IGSF3: variants seen among roughly 807,000 people sequenced by gnomAD.
IGSF3 encodes the protein immunoglobulin superfamily member 3.
IGSF3 carries 23 observed loss-of-function variants against 114.4 expected under a neutral mutation model. The observed-to-expected ratio is 0.20, with a 90% CI of 0.14 to 0.28. The LOEUF is 0.28. IGSF3 is among the 10% of genes least tolerant of loss of function. IGSF3 has a pLI of 1.00. For synonymous variants in IGSF3, 571 were observed against 645.2 expected (o/e 0.88, Z 1.74); for missense variants, 1,172 against 1,591.5 (o/e 0.74, Z 4.48).
intron 2 of IGSF3, among the ~76,000 whole-genome samples, chr1:116,652,148 T>C (rs576868794): frequency 6.6e-6 from 1 of 152,336 alleles, no homozygotes; most frequent in South Asian, 2.1e-4. Context: ...AACAGGTCTC[T>C]ATACAGCATA....
chr1:116,591,551 A>AT (rs1262200477), intron 7 of IGSF3, among the ~76,000 whole-genome samples: 6 of 152,202 alleles, frequency 3.9e-5, no homozygotes, highest in Non-Finnish European at 7.4e-5. Flanking sequence ...AAGCATTTCC[A>AT]TTTTTTTTCC....
At chr1:116,658,048 TTTTTGTTTTG>T (rs1199676441) in intron 2 of IGSF3, among the ~76,000 whole-genome samples, 2 of 151,830 alleles carry the variant, frequency 1.3e-5, no homozygotes, top group Non-Finnish European at 2.9e-5. Context: ...GAAATGGAGT[TTTTTGTTTTG>T]TTTTGTTTTG....
At chr1:116,658,405 C>T (rs1415385390) in intron 2 of IGSF3, among the ~76,000 whole-genome samples, 2 of 151,954 alleles carry the variant, frequency 1.3e-5, no homozygotes, top group African/African-American at 2.4e-5. Context: ...CCCTTTGCTT[C>T]GACCTCTGGG....
In IGSF3 at chr1:116,665,048, A is replaced by C. The variant is rs1649275196; in HGVS notation, c.43+1236T>G. Among the ~76,000 whole-genome samples the C allele has an allele frequency of 6.6e-6, 1 of 152,226 alleles. No individual in the cohort carries two copies. The highest frequency in any genetic ancestry group is 6.5e-5 in the Admixed American group (1 of 15,288). On this transcript the variant is annotated intron_variant, in intron 2 of 10. Coordinates refer to ENST00000369486, the MANE Select transcript of IGSF3 (RefSeq NM_001007237.3). This position sits in a 1 kb window ranked among gnomAD's most constrained non-coding sequence, Gnocchi z 4.0. Reference sequence around the variant, plus strand: ...TATTATGAGTTTCAGACATTATTTAAGGCAGTCAAGGCATTTAGGACACCT... The same window carrying C: ...TATTATGAGTTTCAGACATTATTTACGGCAGTCAAGGCATTTAGGACACCT...
rs935027408 is a variant in IGSF3 at position 116,632,400 on chromosome 1, A to G, written c.44-15943T>C. On this transcript the variant is annotated intron_variant, in intron 2 of 10. Transcript: ENST00000369486. This position sits in a 1 kb window ranked among gnomAD's most constrained non-coding sequence, Gnocchi z 5.1. ...GCTAGCATCTCTCAGCTAGACTGTC[A>G]TTGGATGGTGACATTCCCCAGGACT... Among the ~76,000 whole-genome samples, 1 of 152,154 alleles carries G rather than the reference A, an allele frequency of 6.6e-6. No homozygotes were observed. Among genetic ancestry groups the G allele is most frequent in the Non-Finnish European group, 1.5e-5 (1 of 68,030 alleles).
At chr1:116,602,362 T>TAAAA (rs113856068) in intron 6 of IGSF3, among the ~76,000 whole-genome samples, 1 of 145,158 alleles carries the variant, frequency 6.9e-6, no homozygotes, top group Non-Finnish European at 1.5e-5. Context: ...CCAGGATGGT[T>TAAAA]AAAAAAAAAA....
rs1304529618 is a variant in IGSF3 at position 116,579,425 on chromosome 1, ACTC to A, written c.3298_3300del (p.Glu1100del). 4 of 1,596,750 alleles carry A rather than the reference ACTC, an allele frequency of 2.5e-6. No individual in the cohort carries two copies. Among genetic ancestry groups the A allele is most frequent in the Non-Finnish European group, 3.4e-6 (4 of 1,170,712 alleles). On this transcript the variant is annotated inframe_deletion, in exon 10 of 11. Transcript: ENST00000369486. This position sits in a 1 kb window ranked among gnomAD's most constrained non-coding sequence, Gnocchi z 6.4. ...AGAACACGGATGCCGATGGGGGCTGACTCCTCCTCCGTCAGCCGGTACCATTCC... is the reference window on the plus strand; with the variant it reads ...AGAACACGGATGCCGATGGGGGCTGACTCCTCCGTCAGCCGGTACCATTCC...
In IGSF3 at chr1:116,647,702, G is replaced by A. The variant is rs544864404; in HGVS notation, c.43+18582C>T. On this transcript the variant is annotated intron_variant, in intron 2 of 10. Coordinates refer to ENST00000369486, the MANE Select transcript of IGSF3 (RefSeq NM_001007237.3). This position sits in a 1 kb window ranked among gnomAD's most constrained non-coding sequence, Gnocchi z 4.6. Reference sequence around the variant, plus strand: ...TGGGCGGACAGAGGCAAGGATGACCGGAACAAGACAAACAAACGAAAGGCC... The same window carrying A: ...TGGGCGGACAGAGGCAAGGATGACCAGAACAAGACAAACAAACGAAAGGCC... Among the ~76,000 whole-genome samples, 13 of 152,336 alleles carry A rather than the reference G, an allele frequency of 8.5e-5. No homozygotes were observed. Among genetic ancestry groups the A allele is most frequent in the South Asian group, 6.2e-4 (3 of 4,824 alleles).
rs1647320615 is a variant in IGSF3, at chr1:116,627,072, TTACTC to T, written c.44-10620_44-10616del. Among the ~76,000 whole-genome samples the T allele has an allele frequency of 6.6e-6, 1 of 152,210 alleles. No individual in the cohort carries two copies. Among genetic ancestry groups the T allele is most frequent in the African/African-American group, 2.4e-5 (1 of 41,458 alleles). On this transcript the variant is annotated intron_variant, in intron 2 of 10. Coordinates refer to ENST00000369486, the MANE Select transcript of IGSF3 (RefSeq NM_001007237.3). This position sits in a 1 kb window ranked among gnomAD's most constrained non-coding sequence, Gnocchi z 4.7. Reference sequence around the variant, plus strand: ...TTGCCTGTAAATGTTCTCCCTGTAATTACTCTGACCGCTCTTTCTTTCCGTCCGGT... The same window carrying T: ...TTGCCTGTAAATGTTCTCCCTGTAATTGACCGCTCTTTCTTTCCGTCCGGT...
rs867941217 is a variant in IGSF3 at position 116,575,678 on chromosome 1, G to A, written c.*1634C>T. On this transcript the variant is annotated 3_prime_UTR_variant, in exon 11 of 11. Transcript: ENST00000369486. This position sits in a 1 kb window ranked among gnomAD's most constrained non-coding sequence, Gnocchi z 5.6. ...GGATGTAAGTTCCCAGAGTAAAGGA[G>A]ATGGCATGCTTGGCCAGAAAAATAT... The A allele has an allele frequency of 2.6e-5, 4 of 152,236 alleles. No individual in the cohort carries two copies. Among genetic ancestry groups the A allele is most frequent in the Non-Finnish European group, 1.5e-5 (1 of 68,052 alleles). The allele number at this position is 152,236 out of a possible 1,614,324, so 9.4% of individuals were successfully genotyped here.
At position 116,599,993 on chromosome 1, in the gene IGSF3, C is replaced by T. The variant is rs373917485; in HGVS notation, c.1977G>A (p.Thr659=). The T allele has an allele frequency of 7.9e-5, 127 of 1,614,010 alleles. No homozygotes were observed. Among genetic ancestry groups the T allele is most frequent in the Admixed American group, 2.3e-4 (14 of 60,004 alleles). The stretch of plus-strand genomic sequence containing the variant: ...GGTTGGAGGTCCTCTCCGCCAGTCG[C>T]GTCCAGGTGTTGTTGTAGTTCTTCC... The part of the protein sequence containing the change: ...LWRKNYNNTW[T]RLAERTSNLL... Residue 659 remains threonine (T), a synonymous_variant, in exon 7 of 11, where the codon ACG becomes ACA. Coordinates refer to ENST00000369486, the MANE Select transcript of IGSF3 (RefSeq NM_001007237.3).
intron 2 of IGSF3, among the ~76,000 whole-genome samples, chr1:116,653,550 T>C (rs1462454586): frequency 6.6e-6 from 1 of 152,184 alleles, no homozygotes; most frequent in Non-Finnish European, 1.5e-5. Context: ...ATGTTTGTAT[T>C]GCATAATGTT....
chr1:116,656,914 C>T (rs1253174719), intron 2 of IGSF3, among the ~76,000 whole-genome samples: 2 of 151,940 alleles, frequency 1.3e-5, no homozygotes, highest in Non-Finnish European at 2.9e-5. Flanking sequence ...GGTAACAGAG[C>T]GAGACTCCAT....
intron 6 of IGSF3, among the ~76,000 whole-genome samples, chr1:116,602,809 C>T (rs965418924): frequency 6.6e-6 from 1 of 152,154 alleles, no homozygotes; most frequent in Non-Finnish European, 1.5e-5. Context: ...ACAGACTGGT[C>T]GTTTAAAATC....
At position 116,593,651 on chromosome 1, in the gene IGSF3, A is replaced by G. The variant is rs535863050; in HGVS notation, c.2030-4547T>C. ...TGACCATTCCCTATTTGGGCCCTCAATGATCTCTTTCTCAGGCTCTTGTAA... is the reference window on the plus strand; with the variant it reads ...TGACCATTCCCTATTTGGGCCCTCAGTGATCTCTTTCTCAGGCTCTTGTAA... On this transcript the variant is annotated intron_variant, in intron 7 of 10. Coordinates refer to ENST00000369486, the MANE Select transcript of IGSF3 (RefSeq NM_001007237.3). The surrounding 1 kb of genome is among the most constrained non-coding windows in gnomAD (Gnocchi z 4.5). Among the ~76,000 whole-genome samples, 23 of 152,104 alleles carry G rather than the reference A, an allele frequency of 1.5e-4. No homozygotes were observed. The South Asian group carries it at 3.7e-3, about 25-fold the overall frequency.
rs999296246 is a variant in IGSF3, at chr1:116,594,458, G to A, written c.2030-5354C>T. Among the ~76,000 whole-genome samples the A allele has an allele frequency of 5.3e-5, 8 of 152,146 alleles. No homozygotes were observed. The highest frequency in any genetic ancestry group is 1.9e-4 in the African/African-American group (8 of 41,424). ...CTAAAGTCCTAATTTCTGAGTTTAG[G>A]ATATTCTCATTTATTTAGCAAACTT... is the stretch of plus-strand genomic sequence containing the variant. On this transcript the variant is annotated intron_variant, in intron 7 of 10. Coordinates refer to ENST00000369486, the MANE Select transcript of IGSF3 (RefSeq NM_001007237.3). The surrounding 1 kb of genome is among the most constrained non-coding windows in gnomAD (Gnocchi z 5.2).
At position 116,575,588 on chromosome 1, in the gene IGSF3, T is replaced by G. The variant is rs1484691980; in HGVS notation, c.*1724A>C. 2 of 152,226 alleles carry G rather than the reference T, an allele frequency of 1.3e-5. No individual in the cohort carries two copies. The highest frequency in any genetic ancestry group is 4.8e-5 in the African/African-American group (2 of 41,460). 9.4% of individuals were successfully genotyped at this position (152,226 alleles called of 1,614,324 possible). On this transcript the variant is annotated 3_prime_UTR_variant, in exon 11 of 11. Coordinates refer to ENST00000369486, the MANE Select transcript of IGSF3 (RefSeq NM_001007237.3). This position sits in a 1 kb window ranked among gnomAD's most constrained non-coding sequence, Gnocchi z 5.6. ...CAGAACAGGGCTTCACTGGAATCTT[T>G]TATCAGACTTAGTTCCAGAATCCCT...
In IGSF3 at chr1:116,603,722, T is replaced by C; in HGVS notation, c.1526A>G (p.Tyr509Cys). ...FNSRKEDEGQ[Y>C]ECHVTEWVRA... is the part of the protein sequence containing the mutation. ...CACCCATTCAGTCACATGGCATTCA[T>C]ACTGGCCCTCGTCCTCCTTCCTGCT... Residue 509 changes from tyrosine to cysteine, a missense_variant, in exon 6 of 11, where the codon TAT (tyrosine) becomes TGT (cysteine). Tyr to Cys is a radical substitution (Grantham distance 194). Coordinates refer to ENST00000369486, the MANE Select transcript of IGSF3 (RefSeq NM_001007237.3). The surrounding 1 kb of genome is among the most constrained non-coding windows in gnomAD (Gnocchi z 7.1). The C allele has an allele frequency of 1.2e-6, 2 of 1,613,986 alleles. No homozygotes were observed. The highest frequency in any genetic ancestry group is 1.7e-6 in the Non-Finnish European group (2 of 1,179,872).
In IGSF3 at chr1:116,585,169, T is replaced by C. The variant is rs1466217112; in HGVS notation, c.2441-117A>G. Reference sequence around the variant, plus strand: ...AATACAGAAGGACGGCAGCACACACTCCATTAGGAGAAACGTTTCTCAGAT... The same window carrying C: ...AATACAGAAGGACGGCAGCACACACCCCATTAGGAGAAACGTTTCTCAGAT... On this transcript the variant is annotated intron_variant, in intron 8 of 10. Transcript: ENST00000369486. The surrounding 1 kb of genome is among the most constrained non-coding windows in gnomAD (Gnocchi z 4.9). The C allele has an allele frequency of 1.4e-6, 1 of 713,362 alleles. No individual in the cohort carries two copies. The highest frequency in any genetic ancestry group is 2.9e-5 in the Admixed American group (1 of 34,380). The allele number at this position is 713,362 out of a possible 1,614,324, so 44.2% of individuals were successfully genotyped here.
Sources: allele counts gnomAD v4.1 joint callset (sites outside exome capture counted in the v4.1 genomes callset), GRCh38; gene constraint gnomAD v4.1.1; non-coding constraint Gnocchi (gnomAD v3.1); transcripts MANE v1.5; gene names NCBI Gene and HGNC (gene_info 2026-07-23, HGNC 2026-07-21).